DLGAP2: variants seen among roughly 807,000 people sequenced by gnomAD.
The protein encoded by DLGAP2 is disks large-associated protein 2.
Under a neutral mutation model 100.3 loss-of-function variants are expected in DLGAP2, and 26 were observed. That is an observed-to-expected ratio of 0.26 (90% CI 0.19 to 0.36). The LOEUF is 0.36. Ranked by LOEUF, DLGAP2 falls within the 10% of genes least tolerant of loss-of-function variation. The probability of loss-of-function intolerance (pLI) is 1.00; values close to 1 mark genes in which losing one functional copy is unlikely to be tolerated. For synonymous variants in DLGAP2, 886 were observed against 630.1 expected (o/e 1.41, Z -6.08); for missense variants, 1,858 against 1,453.2 (o/e 1.28, Z -4.53).
At chr8:1,038,206 T>G (rs1031717022) in intron 2 of DLGAP2, among the ~76,000 whole-genome samples, 1 of 152,242 alleles carries the variant, frequency 6.6e-6, no homozygotes, top group African/African-American at 2.4e-5. Context: ...GTGTCTGTGG[T>G]TGAGAGTCCC....
At chr8:888,652 G>C (rs1413404372) in intron 1 of DLGAP2, among the ~76,000 whole-genome samples, 1 of 151,150 alleles carries the variant, frequency 6.6e-6, no homozygotes, top group African/African-American at 2.4e-5. Context: ...GGGTGCTGCA[G>C]TTTGCTGGGG....
chr8:1,254,977 GGGT>G (rs1563043217), intron 2 of DLGAP2, among the ~76,000 whole-genome samples: 13 of 87,116 alleles, frequency 1.5e-4, no homozygotes, highest in African/African-American at 6.5e-4. Context: ...CATCCTGTCC[GGGT>G]GCTGTGTGTG....
intron 2 of DLGAP2, among the ~76,000 whole-genome samples, chr8:1,225,527 G>T (rs1344426567): frequency 6.6e-6 from 1 of 152,174 alleles, no homozygotes; most frequent in Non-Finnish European, 1.5e-5. Flanking sequence ...ACACGTGAAT[G>T]TATTAAATGC....
At chr8:1,123,035 A>G (rs1244572954) in intron 2 of DLGAP2, among the ~76,000 whole-genome samples, 1 of 152,170 alleles carries the variant, frequency 6.6e-6, no homozygotes, top group Non-Finnish European at 1.5e-5. Context: ...CTTTTATACA[A>G]ACTGGGTTGG....
intron 2 of DLGAP2, among the ~76,000 whole-genome samples, chr8:1,039,794 A>G (rs1003330671): frequency 3.8e-5 from 5 of 132,048 alleles, no homozygotes; most frequent in Admixed American, 7.6e-5. Flanking sequence ...ATGCATGTTC[A>G]GCTCGGTTTC....
chr8:977,479 A>T (rs1377864251), intron 2 of DLGAP2, among the ~76,000 whole-genome samples: 1 of 152,214 alleles, frequency 6.6e-6, no homozygotes, highest in Non-Finnish European at 1.5e-5. Context: ...ATATAGCAAA[A>T]TATCTTTCTC....
chr8:1,320,889 G>A (rs1220665872), intron 3 of DLGAP2, among the ~76,000 whole-genome samples: 1 of 148,126 alleles, frequency 6.8e-6, no homozygotes, highest in Non-Finnish European at 1.5e-5. Flanking sequence ...GCACATGTCT[G>A]TATGCACAGG....
At chr8:1,276,503 A>G (rs746288142) in intron 3 of DLGAP2, among the ~76,000 whole-genome samples, 1 of 152,148 alleles carries the variant, frequency 6.6e-6, no homozygotes, top group Non-Finnish European at 1.5e-5. Context: ...CTTTGCTTGC[A>G]TGTGTATCTT....
intron 3 of DLGAP2, among the ~76,000 whole-genome samples, chr8:1,414,351 G>C (rs1489144072): frequency 6.6e-6 from 1 of 152,218 alleles, no homozygotes; most frequent in Non-Finnish European, 1.5e-5. Flanking sequence ...TAGCCAGGGA[G>C]AGGCAGTGAG....
At chr8:960,557 G>A (rs1799702651) in intron 2 of DLGAP2, among the ~76,000 whole-genome samples, 2 of 152,100 alleles carry the variant, frequency 1.3e-5, no homozygotes, top group East Asian at 1.9e-4. Context: ...TTCTGTGATC[G>A]TAAATCTCCC....
At chr8:1,043,407 AG>A (rs1563161616) in intron 2 of DLGAP2, among the ~76,000 whole-genome samples, 1 of 119,692 alleles carries the variant, frequency 8.4e-6, no homozygotes, top group Non-Finnish European at 1.8e-5. Context: ...TGGTGGATAT[AG>A]GTGGTGGATG....
At chr8:1,575,807 T>A (rs546954559) in intron 6 of DLGAP2, among the ~76,000 whole-genome samples, 14 of 151,996 alleles carry the variant, frequency 9.2e-5, no homozygotes, top group Non-Finnish European at 1.5e-5. Context: ...CTTGTCCTTT[T>A]TATGGCTGCG....
At chr8:1,542,609 C>T (rs1295715367) in intron 4 of DLGAP2, among the ~76,000 whole-genome samples, 16 of 152,190 alleles carry the variant, frequency 1.1e-4, no homozygotes, top group African/African-American at 3.1e-4. Flanking sequence ...TTCCATTGTG[C>T]GGTACAGCCC....
chr8:1,310,817 C>T (rs1415790015), intron 3 of DLGAP2, among the ~76,000 whole-genome samples: 1 of 151,980 alleles, frequency 6.6e-6, no homozygotes, highest in Non-Finnish European at 1.5e-5. Context: ...ACCACCACAC[C>T]CAGCTAATTT....
At chr8:1,212,099 T>C (rs374610167) in intron 2 of DLGAP2, among the ~76,000 whole-genome samples, 12 of 152,146 alleles carry the variant, frequency 7.9e-5, no homozygotes, top group African/African-American at 2.7e-4. Context: ...AACCTGGGGA[T>C]GTGCAGTGAC....
At chr8:1,353,524 C>G (rs1243564636) in intron 3 of DLGAP2, among the ~76,000 whole-genome samples, 1 of 152,132 alleles carries the variant, frequency 6.6e-6, no homozygotes, top group African/African-American at 2.4e-5. Flanking sequence ...GTTGGCCAGG[C>G]TAAGCTATAA....
At chr8:1,424,397 A>G (rs188362073) in intron 3 of DLGAP2, among the ~76,000 whole-genome samples, 1 of 152,192 alleles carries the variant, frequency 6.6e-6, no homozygotes, top group Non-Finnish European at 1.5e-5. Flanking sequence ...GCATACTGAT[A>G]TTGGCATATG....
intron 3 of DLGAP2, among the ~76,000 whole-genome samples, chr8:1,427,508 A>C (rs779686511): frequency 4.6e-5 from 7 of 152,250 alleles, no homozygotes; most frequent in Non-Finnish European, 8.8e-5. Context: ...TGTCAACAGA[A>C]AGCACTTGAT....
chr8:1,445,111 A>G (rs1243806271), intron 3 of DLGAP2, among the ~76,000 whole-genome samples: 1 of 149,530 alleles, frequency 6.7e-6, no homozygotes, highest in Non-Finnish European at 1.5e-5. Context: ...ATTATACTCT[A>G]AGTTTTAGGG....
Sources: allele counts gnomAD v4.1 joint callset (sites outside exome capture counted in the v4.1 genomes callset), GRCh38; gene constraint gnomAD v4.1.1; transcripts MANE v1.5; gene names NCBI Gene and HGNC (gene_info 2026-07-23, HGNC 2026-07-21).